The following PTPRZ1 variants were observed in gnomAD, a reference collection of about 807,000 sequenced individuals.
PTPRZ1 encodes protein tyrosine phosphatase receptor type Z1, also known as receptor-type tyrosine-protein phosphatase zeta.
In PTPRZ1, 82 loss-of-function variants were observed where a neutral mutation model predicts 214.1. The ratio of observed to expected loss-of-function variants is 0.38; its 90% CI spans 0.32 to 0.46. The LOEUF is 0.46. Among genes scored for constraint, PTPRZ1 ranks in the 20% least tolerant of loss-of-function variants. The probability of loss-of-function intolerance (pLI) is 1.00; values close to 1 mark genes in which losing one functional copy is unlikely to be tolerated. For synonymous variants in PTPRZ1, 945 were observed against 987.9 expected, an observed-to-expected ratio of 0.96 and a Z score of 0.81; for missense variants, 2,603 against 2,748.7, an observed-to-expected ratio of 0.95 and a Z score of 1.19.
rs1301634476 is a variant in PTPRZ1 at position 122,010,557 on chromosome 7, C to G, written c.1511C>G (p.Ser504Cys). Residue 504 changes from serine (S) to cysteine (C), a missense_variant, in exon 12 of 30, where the codon TCC (serine) becomes TGC (cysteine). Physicochemically the swap from Ser to Cys is moderately radical, Grantham distance 112 (BLOSUM62 -1). Coordinates refer to ENST00000393386, the MANE Select transcript of PTPRZ1 (RefSeq NM_002851.3). ...CCCAATACATCTTTAAATTCCACTT[C>G]CCAACCAGTCACTAAATTAGCCACA... The part of the protein sequence containing the change: ...DVPNTSLNST[S>C]QPVTKLATEK... The G allele has an allele frequency of 3.1e-6, 5 of 1,613,300 alleles. No homozygotes were observed. Among genetic ancestry groups the G allele is most frequent in the Non-Finnish European group, 3.4e-6 (4 of 1,179,288 alleles).
chr7:121,964,629 G>A (rs1796987126), intron 2 of PTPRZ1, among the ~76,000 whole-genome samples: 2 of 152,032 alleles, frequency 1.3e-5, no homozygotes, highest in South Asian at 4.2e-4. Flanking sequence ...GTACTGGGAT[G>A]TAGAAACAAT....
At chr7:121,990,787 T>C (rs1393262008) in intron 8 of PTPRZ1, among the ~76,000 whole-genome samples, 1 of 152,160 alleles carries the variant, frequency 6.6e-6, no homozygotes, top group African/African-American at 2.4e-5. Flanking sequence ...CCCAAAGTGC[T>C]GAGATTACAG....
Position 122,010,431 on chromosome 7 carries a change from C to G in PTPRZ1, c.1385C>G (p.Ser462Cys). ...NQIRKKEPQI[S>C]TTTHYNRIGT... ...ATCAGGAAAAAGGAACCCCAGATTT[C>G]TACCACAACACACTACAATCGCATA... The change falls in exon 12 of 30, where the codon TCT becomes TGT. Residue 462 changes from serine (S) to cysteine (C), a missense_variant. Physicochemically the swap from Ser to Cys is moderately radical, Grantham distance 112. This residue lies in a region of PTPRZ1 where 1,913 missense variants were observed against 1,914.3 expected (regional missense o/e 1.00). Coordinates refer to ENST00000393386, the MANE Select transcript of PTPRZ1 (RefSeq NM_002851.3). 3.1e-6 allele frequency: 5 copies of G among 1,614,036 alleles called. No individual in the cohort carries two copies. Among genetic ancestry groups the G allele is most frequent in the Non-Finnish European group, 4.2e-6 (5 of 1,179,942 alleles).
At chr7:122,009,362 A>G (rs1245078162) in intron 11 of PTPRZ1, among the ~76,000 whole-genome samples, 5 of 151,808 alleles carry the variant, frequency 3.3e-5, no homozygotes, top group Non-Finnish European at 7.4e-5. Context: ...TTTAAGGAAC[A>G]TGGCCTTAAA....
chr7:121,981,035 G>A (rs918512898), intron 6 of PTPRZ1, among the ~76,000 whole-genome samples: 6 of 152,082 alleles, frequency 3.9e-5, no homozygotes, highest in Non-Finnish European at 7.4e-5. Context: ...CCAGCTACTC[G>A]GGAGGCTGAG....
rs552855017 is a variant in PTPRZ1 at position 122,053,414 on chromosome 7, C to T, written c.6253-496C>T. On this transcript the variant is annotated intron_variant, in intron 25 of 29. Transcript: ENST00000393386. ...AGTTTTGTAAGTTAGACAACTGGAT[C>T]GATCACTTTAAGGAACTGGTGGATG... 1.9e-3 allele frequency among the ~76,000 whole-genome samples: 285 copies of T among 152,198 alleles called. 5 individuals carry two copies. Among genetic ancestry groups the T allele is most frequent in the African/African-American group, 6.5e-3 (269 of 41,534 alleles).
intron 2 of PTPRZ1, among the ~76,000 whole-genome samples, chr7:121,935,924 TAAAAG>T (rs1025894521): frequency 7.2e-5 from 11 of 152,140 alleles, no homozygotes; most frequent in African/African-American, 2.4e-4. Flanking sequence ...ACACATTTCA[TAAAAG>T]AAAAAGGGAA....
At chr7:122,029,623 C>T (rs893827862) in intron 14 of PTPRZ1, among the ~76,000 whole-genome samples, 1 of 151,806 alleles carries the variant, frequency 6.6e-6, no homozygotes, top group South Asian at 2.1e-4. Context: ...GCTCCATATT[C>T]CATTGCTAGA....
intron 3 of PTPRZ1, among the ~76,000 whole-genome samples, chr7:121,972,272 C>G (rs1454854081): frequency 1.3e-5 from 2 of 152,054 alleles, no homozygotes; most frequent in Non-Finnish European, 2.9e-5. Context: ...TCTTAGGACA[C>G]CAAACAAACA....
At chr7:121,892,504 A>G (rs1001941238) in intron 1 of PTPRZ1, among the ~76,000 whole-genome samples, 1 of 151,736 alleles carries the variant, frequency 6.6e-6, no homozygotes. Flanking sequence ...TTAGACCATA[A>G]GAGTATTTTA....
At chr7:121,904,751 T>G (rs1795069425) in intron 1 of PTPRZ1, among the ~76,000 whole-genome samples, 1 of 152,186 alleles carries the variant, frequency 6.6e-6, no homozygotes, top group African/African-American at 2.4e-5. Flanking sequence ...ACTTCTGTAG[T>G]TTCCAGAGTT....
intron 13 of PTPRZ1, among the ~76,000 whole-genome samples, chr7:122,020,698 C>T (rs1362205406): frequency 6.6e-6 from 1 of 152,150 alleles, no homozygotes; most frequent in African/African-American, 2.4e-5. Flanking sequence ...GAGTAGACTG[C>T]ACACTATGGA....
intron 23 of PTPRZ1, among the ~76,000 whole-genome samples, chr7:122,045,778 A>ACAT (rs1242092448): frequency 1.3e-5 from 2 of 152,040 alleles, no homozygotes; most frequent in Non-Finnish European, 2.9e-5. Flanking sequence ...TTGCATAAAA[A>ACAT]CATTGATATG....
At chr7:121,918,323 C>T (rs1483706769) in intron 1 of PTPRZ1, among the ~76,000 whole-genome samples, 1 of 152,128 alleles carries the variant, frequency 6.6e-6, no homozygotes, top group Non-Finnish European at 1.5e-5. Context: ...TAAAATAAGA[C>T]TATTTCAAGG....
In PTPRZ1 at chr7:122,012,006, C is replaced by T. The variant is rs1244792745; in HGVS notation, c.2960C>T (p.Thr987Ile). The change falls in exon 12 of 30, where the codon ACT (threonine) becomes ATT (isoleucine). Residue 987 changes from threonine to isoleucine, a missense_variant. Physicochemically the swap from Thr to Ile is moderately conservative, Grantham distance 89. This residue lies in a region of PTPRZ1 where 1,913 missense variants were observed against 1,914.3 expected (regional missense o/e 1.00). Transcript: ENST00000393386. ...ITPTASLLQP[T>I]HALSGDGEWS... ...CCAACTGCATCATTACTGCAGCCTA[C>T]TCATGCCCTCTCTGGTGATGGGGAA... 1 of 1,614,086 alleles carries T rather than the reference C, an allele frequency of 6.2e-7. No individual in the cohort carries two copies. The highest frequency in any genetic ancestry group is 2.2e-5 in the East Asian group (1 of 44,894).
intron 2 of PTPRZ1, among the ~76,000 whole-genome samples, chr7:121,956,140 G>A (rs370140594): frequency 6.1e-4 from 93 of 152,050 alleles, no homozygotes; most frequent in African/African-American, 2.1e-3. Flanking sequence ...TTCCACTTAG[G>A]ACTGCAACTA....
rs1799771329 is a variant in PTPRZ1, at chr7:122,042,704, A to G, written c.5898A>G (p.Lys1966=). ...EGTVNIFGFL[K]HIRSQRNYLV... ...CTGTCAACATATTTGGCTTCTTAAA[A>G]CACATCCGTTCACAAAGAAATTATT... Residue 1966 remains lysine, a synonymous_variant, in exon 22 of 30, where the codon AAA becomes AAG. Transcript: ENST00000393386. 14 of 1,613,306 alleles carry G rather than the reference A, an allele frequency of 8.7e-6. No individual in the cohort carries two copies. The East Asian group carries it at 3.1e-4, about 36-fold the overall frequency.
intron 1 of PTPRZ1, among the ~76,000 whole-genome samples, chr7:121,912,389 A>G (rs1480355064): frequency 6.6e-6 from 1 of 152,164 alleles, no homozygotes; most frequent in Non-Finnish European, 1.5e-5. Flanking sequence ...ATTGTGTTAA[A>G]TATTCATGAG....
chr7:121,978,383 T>C (rs1291930883), intron 6 of PTPRZ1, among the ~76,000 whole-genome samples: 1 of 152,086 alleles, frequency 6.6e-6, no homozygotes, highest in Non-Finnish European at 1.5e-5. Context: ...AAGAAAGAGA[T>C]TGAATTGACT....
Sources: allele counts gnomAD v4.1 joint callset (sites outside exome capture counted in the v4.1 genomes callset), GRCh38; gene constraint gnomAD v4.1.1; regional missense constraint gnomAD v4.1.1; transcripts MANE v1.5; gene names NCBI Gene and HGNC (gene_info 2026-07-23, HGNC 2026-07-21).